FCHO2: variants seen among roughly 807,000 people sequenced by gnomAD.
FCHO2 encodes F-BAR domain only protein 2.
FCHO2 carries 43 observed loss-of-function variants against 114.1 expected under a neutral mutation model. The ratio of observed to expected loss-of-function variants is 0.38; its 90% confidence interval spans 0.30 to 0.49. FCHO2 has a LOEUF of 0.49. Among genes scored for constraint, FCHO2 ranks in the 20% least tolerant of loss-of-function variants. The pLI is 0.97. For synonymous variants in FCHO2, 293 were observed against 315.2 expected (o/e 0.93, Z 0.75); for missense variants, 807 against 950.4 (o/e 0.85, Z 1.98).
At chr5:73,008,728 T>C (rs1190712088) in intron 6 of FCHO2, among the ~76,000 whole-genome samples, 3 of 152,272 alleles carry the variant, frequency 2.0e-5, no homozygotes, top group Non-Finnish European at 2.9e-5. Context: ...AAAACTTGAC[T>C]TGAACTGATA....
At chr5:73,006,607 T>A in intron 6 of FCHO2, 58 bp downstream of exon 6, 1 of 1,169,578 alleles carries the variant, frequency 8.6e-7, no homozygotes, top group Non-Finnish European at 1.2e-6. Context: ...GTATATTGAT[T>A]AATTTTTCTC....
At chr5:73,061,432 C>T (rs1247561617) in intron 17 of FCHO2, among the ~76,000 whole-genome samples, 1 of 151,896 alleles carries the variant, frequency 6.6e-6, no homozygotes, top group Non-Finnish European at 1.5e-5. Context: ...ATGTTTAATT[C>T]TAGAATTTTC....
chr5:73,057,843 G>A lies in FCHO2; in HGVS notation c.1254-590G>A, dbSNP rs566069221. On this transcript the variant is annotated intron_variant, in intron 16 of 25. Transcript: ENST00000430046. ...TTATTCCCATTATGATAGCCCCCAA[G>A]GTGGTTGAATCTAACAAGGCATGAT... 5.9e-5 allele frequency among the ~76,000 whole-genome samples: 9 copies of A among 152,096 alleles called. No individual in the cohort carries two copies. In the South Asian group the frequency reaches 1.9e-3, roughly 32 times the overall value.
chr5:73,027,965 A>G (rs577609965), intron 8 of FCHO2, among the ~76,000 whole-genome samples: 28 of 152,308 alleles, frequency 1.8e-4, no homozygotes, highest in African/African-American at 6.7e-4. Context: ...TAGGAGGCCA[A>G]GATGTGTGGA....
At chr5:72,995,916 C>T (rs1487832896) in intron 5 of FCHO2, among the ~76,000 whole-genome samples, 1 of 151,950 alleles carries the variant, frequency 6.6e-6, no homozygotes, top group Admixed American at 6.6e-5. Context: ...ATAGCAGCTC[C>T]TCTAATCATA....
chr5:73,081,822 G>A lies in FCHO2; in HGVS notation c.2020G>A (p.Ala674Thr). 6.2e-7 allele frequency: 1 copy of A among 1,601,944 alleles called. No homozygotes were observed. Among genetic ancestry groups the A allele is most frequent in the East Asian group, 2.3e-5 (1 of 44,294 alleles). The change falls in exon 23 of 26, where the codon GCA becomes ACA. Residue 674 changes from alanine to threonine, a missense_variant. Physicochemically the swap from Ala to Thr is moderately conservative, Grantham distance 58. Coordinates refer to ENST00000430046, the MANE Select transcript of FCHO2 (RefSeq NM_138782.3). ...TATTCAGTCCACTCCTCTGAATCTT[G>A]CAACATACTGGAAATGTAGTGCTAG... ...NGIQSTPLNL[A>T]TYWKCSASTT...
intron 19 of FCHO2, among the ~76,000 whole-genome samples, chr5:73,071,863 G>A (rs916615372): frequency 6.6e-6 from 1 of 151,946 alleles, no homozygotes; most frequent in Non-Finnish European, 1.5e-5. Context: ...TAATTTACAG[G>A]GAAGCTAGGC....
At chr5:73,062,742 T>C (rs1561487471) in intron 17 of FCHO2, among the ~76,000 whole-genome samples, 1 of 152,114 alleles carries the variant, frequency 6.6e-6, no homozygotes. Context: ...TCAATCCGTG[T>C]GACTACCTTT....
At position 72,962,462 on chromosome 5, in the gene FCHO2, C is replaced by G. The variant is rs141108036; in HGVS notation, c.34-6036C>G. 1.7e-4 allele frequency among the ~76,000 whole-genome samples: 26 copies of G among 152,184 alleles called. No homozygotes were observed. The East Asian group carries it at 4.8e-3, about 28-fold the overall frequency. On this transcript the variant is annotated intron_variant, in intron 1 of 25. Transcript: ENST00000430046. ...TCACTGAGGTATCTCCTGAGATTAT[C>G]CATCCTGATGTCATAATTCTAGAAT...
chr5:73,033,493 C>G (rs1756341767), intron 8 of FCHO2, among the ~76,000 whole-genome samples: 1 of 151,942 alleles, frequency 6.6e-6, no homozygotes, highest in Non-Finnish European at 1.5e-5. Context: ...ATGGAATGAT[C>G]AATAATAATG....
At chr5:73,072,984 G>A (rs139938381) in intron 19 of FCHO2, among the ~76,000 whole-genome samples, 3 of 152,116 alleles carry the variant, frequency 2.0e-5, no homozygotes, top group South Asian at 4.2e-4. Context: ...AATTTCTGAT[G>A]ACCCTCTTGT....
intron 8 of FCHO2, among the ~76,000 whole-genome samples, chr5:73,025,847 A>G (rs1388339477): frequency 3.3e-5 from 5 of 152,172 alleles, no homozygotes; most frequent in African/African-American, 1.2e-4. Flanking sequence ...GTCTATTCTA[A>G]CCTTCAATTG....
intron 8 of FCHO2, chr5:73,020,932 G>A (rs1421361725): frequency 2.1e-5 from 33 of 1,561,728 alleles, no homozygotes; most frequent in South Asian, 4.4e-5. Context: ...TAGTCGAAAA[G>A]CAAACTGCAG....
At chr5:73,064,906 T>C (rs972201942) in intron 18 of FCHO2, among the ~76,000 whole-genome samples, 9 of 152,060 alleles carry the variant, frequency 5.9e-5, no homozygotes, top group African/African-American at 2.2e-4. Context: ...CCTTCACTTA[T>C]CTTCCTTATA....
intron 18 of FCHO2, among the ~76,000 whole-genome samples, chr5:73,068,071 T>G (rs1478372241): frequency 6.6e-6 from 1 of 151,904 alleles, no homozygotes; most frequent in Non-Finnish European, 1.5e-5. Flanking sequence ...ACACCAAAAG[T>G]GTAAAGGACA....
In FCHO2 at chr5:73,017,306, C is replaced by G; in HGVS notation, c.794C>G (p.Pro265Arg). 1.3e-6 allele frequency: 2 copies of G among 1,543,272 alleles called. No homozygotes were observed. The highest frequency in any genetic ancestry group is 1.8e-6 in the Non-Finnish European group (2 of 1,140,594). ...AESKGTGKER[P>R]GLIEFEECDT... ...TCAAAAGGCACTGGGAAGGAAAGAC[C>G]TGGTAAGATGATAAACTCTGCAAGG... The change falls in exon 8 of 26, where the codon CCT (proline) becomes CGT (arginine). Residue 265 changes from proline to arginine, a missense_variant and splice_region_variant. Coordinates refer to ENST00000430046, the MANE Select transcript of FCHO2 (RefSeq NM_138782.3).
intron 6 of FCHO2, among the ~76,000 whole-genome samples, chr5:73,011,049 T>G (rs141216867): frequency 6.6e-6 from 1 of 152,276 alleles, no homozygotes; most frequent in East Asian, 1.9e-4. Flanking sequence ...AAATGGTATT[T>G]GTGTCTTTAA....
chr5:73,082,902 T>C, intron 24 of FCHO2, 77 bp downstream of exon 24: 1 of 1,197,004 alleles, frequency 8.4e-7, no homozygotes, highest in Non-Finnish European at 1.2e-6. Context: ...TAAAACAGAG[T>C]CTAGCTTTGT....
intron 11 of FCHO2, among the ~76,000 whole-genome samples, chr5:73,046,525 A>T (rs771165781): frequency 6.6e-6 from 1 of 152,204 alleles, no homozygotes; most frequent in Non-Finnish European, 1.5e-5. Context: ...ACAAATTTAA[A>T]GTAGTCCATT....
Sources: allele counts gnomAD v4.1 joint callset (sites outside exome capture counted in the v4.1 genomes callset), GRCh38; gene constraint gnomAD v4.1.1; transcripts MANE v1.5; gene names NCBI Gene and HGNC (gene_info 2026-07-23, HGNC 2026-07-21).